The following CPE variants were observed in gnomAD, a reference collection of about 807,000 sequenced individuals.
CPE encodes the protein carboxypeptidase E.
CPE carries 17 observed loss-of-function variants against 53.5 expected under a neutral mutation model. The observed-to-expected ratio is 0.32, with a 90% CI of 0.22 to 0.48. The LOEUF (loss-of-function observed/expected upper bound fraction) is 0.48, where lower values mean the gene tolerates loss of function less well. Among genes scored for constraint, CPE ranks in the 20% least tolerant of loss-of-function variants. The probability of loss-of-function intolerance (pLI) is 0.99; values close to 1 mark genes in which losing one functional copy is unlikely to be tolerated. For synonymous variants in CPE, 226 were observed against 228.8 expected, an observed-to-expected ratio of 0.99 and a Z score of 0.11; for missense variants, 524 against 614.7, an observed-to-expected ratio of 0.85 and a Z score of 1.56.
intron 1 of CPE, among the ~76,000 whole-genome samples, chr4:165,403,827 T>G (rs2126663048): frequency 6.6e-6 from 1 of 152,276 alleles, no homozygotes; most frequent in Middle Eastern, 3.4e-3. Flanking sequence ...GCCTCAGGGC[T>G]TATACAATGA....
intron 1 of CPE, among the ~76,000 whole-genome samples, chr4:165,411,934 A>C (rs1308144442): frequency 6.6e-6 from 1 of 152,130 alleles, no homozygotes. Context: ...CAGGAGGAGG[A>C]AACCATCTCT....
chr4:165,460,705 T>G (rs1731984203), intron 1 of CPE, among the ~76,000 whole-genome samples: 1 of 152,208 alleles, frequency 6.6e-6, no homozygotes, highest in African/African-American at 2.4e-5. Context: ...AAGGATGGGA[T>G]TGAAAAGCAA....
intron 3 of CPE, among the ~76,000 whole-genome samples, chr4:165,478,587 C>T (rs1238064150): frequency 1.3e-5 from 2 of 152,052 alleles, no homozygotes; most frequent in African/African-American, 4.8e-5. Context: ...TTAAAACATG[C>T]AAATAAGGAG....
chr4:165,397,276 C>T (rs1032547397), intron 1 of CPE, among the ~76,000 whole-genome samples: 1 of 152,202 alleles, frequency 6.6e-6, no homozygotes, highest in East Asian at 1.9e-4. Context: ...TTTAAAGGCA[C>T]GACTTACCCA....
intron 1 of CPE, among the ~76,000 whole-genome samples, chr4:165,410,597 A>C (rs924791022): frequency 3.3e-5 from 5 of 152,232 alleles, no homozygotes; most frequent in Non-Finnish European, 7.3e-5. Context: ...GCTATTAAAA[A>C]ATGGAAAGAA....
At position 165,381,364 on chromosome 4, in the gene CPE, A is replaced by AATAT. The variant is rs764941829; in HGVS notation, c.307+1839_307+1840insTATA. On this transcript the variant is annotated intron_variant, in intron 1 of 8. Coordinates refer to ENST00000402744, the MANE Select transcript of CPE (RefSeq NM_001873.4). ...CAGCGGGCTTGAATATACATTATGA[A>AATAT]ATAATCTACATTATGGAAAAATACT... 73 of 455,376 alleles carry AATAT rather than the reference A, an allele frequency of 1.6e-4. 1 individual carries two copies. The highest frequency in any genetic ancestry group is 1.1e-3 in the South Asian group (70 of 64,282). 28.2% of individuals were successfully genotyped at this position (455,376 alleles called of 1,614,324 possible).
At chr4:165,448,846 T>A (rs1731760114) in intron 1 of CPE, among the ~76,000 whole-genome samples, 1 of 152,214 alleles carries the variant, frequency 6.6e-6, no homozygotes, top group Non-Finnish European at 1.5e-5. Context: ...AACTTGATTA[T>A]GGAGACAGAG....
At chr4:165,398,570 T>G (rs1730813750) in intron 1 of CPE, among the ~76,000 whole-genome samples, 1 of 152,222 alleles carries the variant, frequency 6.6e-6, no homozygotes. Flanking sequence ...AAGATAGCCC[T>G]GATTTTAGGT....
intron 1 of CPE, among the ~76,000 whole-genome samples, chr4:165,435,753 A>G (rs892171832): frequency 3.3e-5 from 5 of 152,174 alleles, no homozygotes; most frequent in African/African-American, 1.2e-4. Context: ...TTAAATATCA[A>G]TCCATGCCAT....
chr4:165,416,132 G>A (rs896417864), intron 1 of CPE, among the ~76,000 whole-genome samples: 1 of 152,180 alleles, frequency 6.6e-6, no homozygotes, highest in African/African-American at 2.4e-5. Context: ...CAACTCAACC[G>A]TAACAGTAGC....
intron 1 of CPE, among the ~76,000 whole-genome samples, chr4:165,428,522 A>G (rs1186896811): frequency 6.6e-6 from 1 of 152,250 alleles, no homozygotes; most frequent in Non-Finnish European, 1.5e-5. Context: ...CCATGGTATT[A>G]GTTTCCTGTG....
At chr4:165,427,770 CTCCTCTA>C (rs901013311) in intron 1 of CPE, among the ~76,000 whole-genome samples, 9 of 152,152 alleles carry the variant, frequency 5.9e-5, no homozygotes, top group African/African-American at 1.9e-4. Flanking sequence ...TCCATTGGAT[CTCCTCTA>C]GCAATAGGGA....
intron 3 of CPE, among the ~76,000 whole-genome samples, chr4:165,480,264 A>T (rs1489900678): frequency 6.6e-6 from 1 of 152,192 alleles, no homozygotes; most frequent in East Asian, 1.9e-4. Context: ...ACAGGAATGC[A>T]GTTTGGAATA....
At chr4:165,419,764 A>G (rs1196838491) in intron 1 of CPE, among the ~76,000 whole-genome samples, 1 of 152,198 alleles carries the variant, frequency 6.6e-6, no homozygotes, top group Non-Finnish European at 1.5e-5. Context: ...ATGTGAAGAA[A>G]GCTCCAGAAG....
In CPE at chr4:165,406,175, A is replaced by G. The variant is rs1490051564; in HGVS notation, c.307+26647A>G. 16 of 716,346 alleles carry G rather than the reference A, an allele frequency of 2.2e-5. No homozygotes were observed. In the East Asian group the frequency reaches 3.7e-4, roughly 17 times the overall value. The allele number at this position is 716,346 out of a possible 1,614,324, so 44.4% of individuals were successfully genotyped here. On this transcript the variant is annotated intron_variant, in intron 1 of 8. Coordinates refer to ENST00000402744, the MANE Select transcript of CPE (RefSeq NM_001873.4). ...GTTTATTCAGCGTATTTATCTTTGA[A>G]TGGGGAGAGTTAATTTAAATAACTA...
chr4:165,389,101 A>G (rs1425832321), intron 1 of CPE, among the ~76,000 whole-genome samples: 3 of 152,188 alleles, frequency 2.0e-5, no homozygotes, highest in Non-Finnish European at 4.4e-5. Flanking sequence ...GAAAATGCTA[A>G]AGCCATAAAA....
In CPE at chr4:165,498,521, C is replaced by T. The variant is rs147053391; in HGVS notation, c.*911C>T. ...CAAAAGGTTCTGATTTTGGGCACAA[C>T]CTTTATATAAATAACACAAAAATTA... On this transcript the variant is annotated 3_prime_UTR_variant, in exon 9 of 9. Coordinates refer to ENST00000402744, the MANE Select transcript of CPE (RefSeq NM_001873.4). Among the ~76,000 whole-genome samples, 4 of 152,194 alleles carry T rather than the reference C, an allele frequency of 2.6e-5. No homozygotes were observed. Among genetic ancestry groups the T allele is most frequent in the African/African-American group, 7.2e-5 (3 of 41,526 alleles).
chr4:165,411,188 A>G (rs1284391753), intron 1 of CPE, among the ~76,000 whole-genome samples: 1 of 152,204 alleles, frequency 6.6e-6, no homozygotes, highest in East Asian at 1.9e-4. Flanking sequence ...GTGGAAAGAA[A>G]TTATTAATTA....
Position 165,466,477 on chromosome 4 carries a change from T to C in CPE, c.505-1211T>C, listed in dbSNP as rs114520942. 7.0e-3 allele frequency among the ~76,000 whole-genome samples: 1,059 copies of C among 152,226 alleles called. 16 individuals carry two copies. The highest frequency in any genetic ancestry group is 7.6e-3 in the Non-Finnish European group (516 of 68,010). ...CAGGTTACACTAAATTTATAAAAAC[T>C]ATTTTTCTTCCTGCAGTAATAAATT... On this transcript the variant is annotated intron_variant, in intron 2 of 8. Coordinates refer to ENST00000402744, the MANE Select transcript of CPE (RefSeq NM_001873.4).
Sources: gnomAD v4.1 joint callset for allele counts (sites outside exome capture counted in the v4.1 genomes callset) on GRCh38, gnomAD v4.1.1 for gene constraint, MANE v1.5 for transcripts, NCBI Gene and HGNC (gene_info 2026-07-23, HGNC 2026-07-21) for gene names.